FBXL20: variants seen among roughly 807,000 people sequenced by gnomAD.
The protein encoded by FBXL20 is F-box and leucine rich repeat protein 20, also known as F-box/LRR-repeat protein 20.
A neutral mutation model predicts 64.0 loss-of-function variants in FBXL20; 11 were observed. That is an observed-to-expected ratio of 0.17 (90% CI 0.11 to 0.28). The LOEUF is 0.28. Among genes scored for constraint, FBXL20 ranks in the 10% least tolerant of loss-of-function variants. The probability of loss-of-function intolerance (pLI) is 1.00; values close to 1 mark genes in which losing one functional copy is unlikely to be tolerated. For missense variants in FBXL20, 303 were observed against 526.2 expected, an observed-to-expected ratio of 0.58 and a Z score of 4.15; for synonymous variants, 184 against 189.0, an observed-to-expected ratio of 0.97 and a Z score of 0.22.
chr17:39,382,442 CAA>C (rs543348192), intron 1 of FBXL20, among the ~76,000 whole-genome samples: 33,631 of 86,946 alleles, frequency 0.39, 4,163 homozygotes, highest in African/African-American at 0.51. Flanking sequence ...GACTCCATCT[CAA>C]AAAAAAAAAA....
At chr17:39,396,312 C>G (rs375154183) in intron 1 of FBXL20, among the ~76,000 whole-genome samples, 3 of 152,068 alleles carry the variant, frequency 2.0e-5, no homozygotes, top group South Asian at 2.1e-4. Flanking sequence ...AAAGAATGAC[C>G]AGGCCGGGTG....
At chr17:39,293,398 T>C (rs1227063025) in intron 6 of FBXL20, among the ~76,000 whole-genome samples, 3 of 151,522 alleles carry the variant, frequency 2.0e-5, no homozygotes, top group Non-Finnish European at 4.4e-5. Flanking sequence ...AATTTTTGTA[T>C]TTTTAGTAGA....
chr17:39,354,165 A>G (rs2047714403), intron 1 of FBXL20, among the ~76,000 whole-genome samples: 1 of 152,214 alleles, frequency 6.6e-6, no homozygotes, highest in Non-Finnish European at 1.5e-5. Flanking sequence ...GCATCTGTGT[A>G]TAAAATAAAG....
At chr17:39,336,158 A>G (rs2047520089) in intron 2 of FBXL20, among the ~76,000 whole-genome samples, 1 of 152,162 alleles carries the variant, frequency 6.6e-6, no homozygotes, top group Non-Finnish European at 1.5e-5. Context: ...AATAAAATAG[A>G]GGAACCAAGA....
intron 2 of FBXL20, among the ~76,000 whole-genome samples, chr17:39,316,848 G>C (rs890161090): frequency 1.3e-5 from 2 of 152,222 alleles, no homozygotes; most frequent in African/African-American, 4.8e-5. Flanking sequence ...AATGAGCCGG[G>C]CATGGTGCTG....
upstream of FBXL20, chr17:39,402,223 T>G (rs544763798): frequency 8.1e-7 from 1 of 1,231,976 alleles, no homozygotes; most frequent in South Asian, 4.1e-5. Context: ...GGAGCCATTT[T>G]CCTCCTCTTC....
intron 5 of FBXL20, among the ~76,000 whole-genome samples, chr17:39,297,725 C>G (rs1258403899): frequency 1.3e-5 from 2 of 151,994 alleles, no homozygotes; most frequent in Non-Finnish European, 1.5e-5. Context: ...CAGGTGTGAG[C>G]CATTAAGCCT....
At chr17:39,345,974 A>T (rs1269376166) in intron 1 of FBXL20, among the ~76,000 whole-genome samples, 1 of 152,088 alleles carries the variant, frequency 6.6e-6, no homozygotes, top group Non-Finnish European at 1.5e-5. Flanking sequence ...GAAATCAATA[A>T]ATCTACCTCT....
intron 1 of FBXL20, among the ~76,000 whole-genome samples, chr17:39,372,515 C>G (rs1378795017): frequency 3.7e-5 from 1 of 27,132 alleles, no homozygotes; most frequent in African/African-American, 3.0e-4. Flanking sequence ...GAGACTCTGA[C>G]CAAAAAAAAA....
At chr17:39,338,971 A>T (rs1009433227) in intron 2 of FBXL20, among the ~76,000 whole-genome samples, 6 of 152,070 alleles carry the variant, frequency 3.9e-5, no homozygotes, top group African/African-American at 1.2e-4. Context: ...GTTTGAGCCC[A>T]GCCTGGCCAA....
chr17:39,303,994 C>T (rs1423280228), intron 2 of FBXL20, among the ~76,000 whole-genome samples: 1 of 152,068 alleles, frequency 6.6e-6, no homozygotes, highest in Non-Finnish European at 1.5e-5. Context: ...AAAGTAGTTG[C>T]TCTTGATTTT....
intron 1 of FBXL20, among the ~76,000 whole-genome samples, chr17:39,352,350 G>A (rs1216557653): frequency 2.0e-5 from 3 of 151,794 alleles, no homozygotes; most frequent in Non-Finnish European, 2.9e-5. Flanking sequence ...GCAAGATCGC[G>A]AGACCCCATG....
chr17:39,333,686 G>A (rs2047488114), intron 2 of FBXL20, among the ~76,000 whole-genome samples: 3 of 151,410 alleles, frequency 2.0e-5, no homozygotes, highest in Non-Finnish European at 2.9e-5. Flanking sequence ...CCGTCATCCC[G>A]TCTAGGAAGT....
chr17:39,355,337 C>T (rs887085503), intron 1 of FBXL20, among the ~76,000 whole-genome samples: 7 of 151,834 alleles, frequency 4.6e-5, no homozygotes, highest in African/African-American at 1.4e-4. Flanking sequence ...AACAGCCTCC[C>T]AAAGTGCTGG....
intron 2 of FBXL20, among the ~76,000 whole-genome samples, chr17:39,314,574 T>G (rs551709499): frequency 4.6e-5 from 7 of 152,222 alleles, no homozygotes; most frequent in Non-Finnish European, 7.4e-5. Context: ...TTAGCCAGGC[T>G]GATCTGGAAC....
At chr17:39,295,330 G>A (rs1045216428) in intron 6 of FBXL20, among the ~76,000 whole-genome samples, 6 of 152,086 alleles carry the variant, frequency 3.9e-5, no homozygotes, top group Non-Finnish European at 8.8e-5. Context: ...ACAGTAGTGT[G>A]ATCTCAGCTC....
At chr17:39,296,901 T>C (rs1454243258) in intron 6 of FBXL20, among the ~76,000 whole-genome samples, 6 of 152,230 alleles carry the variant, frequency 3.9e-5, no homozygotes, top group African/African-American at 1.4e-4. Context: ...GTATGTACAC[T>C]GACTACAATT....
intron 12 of FBXL20, among the ~76,000 whole-genome samples, chr17:39,267,332 AGCAAGACCCT>A (rs1305832544): frequency 6.6e-6 from 1 of 152,066 alleles, no homozygotes; most frequent in Non-Finnish European, 1.5e-5. Context: ...GAGCGATAAC[AGCAAGACCCT>A]GTCTCTAAAA....
rs560414712 is a variant in FBXL20 at position 39,309,333 on chromosome 17, T to C, written c.105-5694A>G. On this transcript the variant is annotated intron_variant, in intron 2 of 14. Transcript: ENST00000264658. ...CTGAGTCCTGAATTATCTCTAACAGTGGCCTCTAACAAACCTGGATATATA... is the reference window on the plus strand; with the variant it reads ...CTGAGTCCTGAATTATCTCTAACAGCGGCCTCTAACAAACCTGGATATATA... 3.3e-5 allele frequency among the ~76,000 whole-genome samples: 5 copies of C among 152,290 alleles called. No homozygotes were observed. In the East Asian group the frequency reaches 7.7e-4, roughly 24 times the overall value.
Sources: allele counts gnomAD v4.1 joint callset (sites outside exome capture counted in the v4.1 genomes callset), GRCh38; gene constraint gnomAD v4.1.1; transcripts MANE v1.5; gene names NCBI Gene and HGNC (gene_info 2026-07-23, HGNC 2026-07-21).